MTHFD2L: variants seen among roughly 807,000 people sequenced by gnomAD.
The protein encoded by MTHFD2L is methylenetetrahydrofolate dehydrogenase (NADP+ dependent) 2 like.
A neutral mutation model predicts 34.9 loss-of-function variants in MTHFD2L; 29 were observed. The observed-to-expected ratio is 0.83, with a 90% CI of 0.62 to 1.13. The LOEUF (loss-of-function observed/expected upper bound fraction) is 1.13. Among genes scored for constraint, MTHFD2L ranks in the 50% most tolerant of loss-of-function variants. The probability of loss-of-function intolerance (pLI) is 0.00; values close to 1 mark genes in which losing one functional copy is unlikely to be tolerated. For missense variants in MTHFD2L, 481 were observed against 446.5 expected (o/e 1.08, Z -0.70); for synonymous variants, 167 against 155.7 (o/e 1.07, Z -0.54).
intron 7 of MTHFD2L, among the ~76,000 whole-genome samples, chr4:74,282,564 TAGG>T (rs1476038493): frequency 6.6e-6 from 1 of 152,120 alleles, no homozygotes; most frequent in Non-Finnish European, 1.5e-5. Context: ...AGAAGTGTCC[TAGG>T]GTACTGGCCC....
intron 5 of MTHFD2L, among the ~76,000 whole-genome samples, chr4:74,207,922 C>T (rs1735635156): frequency 6.6e-6 from 1 of 151,928 alleles, no homozygotes; most frequent in Non-Finnish European, 1.5e-5. Flanking sequence ...TTTTAGGTTT[C>T]AAAGAGAGGA....
At chr4:74,135,418 C>G (rs1023644877) in intron 1 of MTHFD2L, among the ~76,000 whole-genome samples, 1 of 152,016 alleles carries the variant, frequency 6.6e-6, no homozygotes, top group Admixed American at 6.6e-5. Context: ...TGGATAAATT[C>G]CTGGACACAT....
chr4:74,119,795 A>G (rs1349506936), upstream of MTHFD2L, among the ~76,000 whole-genome samples: 1 of 152,146 alleles, frequency 6.6e-6, no homozygotes, highest in Non-Finnish European at 1.5e-5. Flanking sequence ...AAAAAAACAA[A>G]AAAAACAAAA....
intron 5 of MTHFD2L, among the ~76,000 whole-genome samples, chr4:74,206,194 G>T (rs1017774233): frequency 6.6e-6 from 1 of 152,044 alleles, no homozygotes; most frequent in African/African-American, 2.4e-5. Flanking sequence ...TTGATTTGGG[G>T]CAGGGTGGTG....
intron 6 of MTHFD2L, among the ~76,000 whole-genome samples, chr4:74,258,075 AAG>A (rs1328830513): frequency 6.6e-6 from 1 of 152,146 alleles, no homozygotes; most frequent in African/African-American, 2.4e-5. Flanking sequence ...GGAAAAAAAA[AAG>A]GTTACAAATG....
chr4:74,182,768 A>G (rs978582057), intron 3 of MTHFD2L: 2 of 152,188 alleles, frequency 1.3e-5, no homozygotes, highest in Non-Finnish European at 2.9e-5. Context: ...TGTAAAAGGA[A>G]GAGACATTTT....
chr4:74,263,351 C>T (rs554636295), intron 6 of MTHFD2L, among the ~76,000 whole-genome samples: 1 of 151,880 alleles, frequency 6.6e-6, no homozygotes, highest in South Asian at 2.1e-4. Context: ...CAATTGTTCT[C>T]TCTAGTTCTG....
intron 5 of MTHFD2L, among the ~76,000 whole-genome samples, chr4:74,215,832 G>A (rs1175999895): frequency 1.3e-5 from 2 of 151,712 alleles, no homozygotes. Context: ...GGTCTGCATA[G>A]ATACATTCCT....
upstream of MTHFD2L, among the ~76,000 whole-genome samples, chr4:74,121,668 A>G (rs1162170064): frequency 1.4e-5 from 2 of 146,050 alleles, no homozygotes; most frequent in East Asian, 3.9e-4. Context: ...AATTAAATAT[A>G]TATTTAATTA....
At chr4:74,211,068 TAAG>T (rs1432192803) in intron 5 of MTHFD2L, among the ~76,000 whole-genome samples, 4 of 152,214 alleles carry the variant, frequency 2.6e-5, no homozygotes, top group Non-Finnish European at 5.9e-5. Flanking sequence ...CTCATCAGCT[TAAG>T]GAGATTTTGG....
chr4:74,191,468 A>C (rs1475842813), intron 3 of MTHFD2L, among the ~76,000 whole-genome samples: 1 of 152,070 alleles, frequency 6.6e-6, no homozygotes, highest in Non-Finnish European at 1.5e-5. Context: ...CCAGATAGTC[A>C]ATAAGGTAGA....
At chr4:74,283,092 C>T (rs903343296) in intron 7 of MTHFD2L, among the ~76,000 whole-genome samples, 1 of 152,140 alleles carries the variant, frequency 6.6e-6, no homozygotes, top group African/African-American at 2.4e-5. Flanking sequence ...GTGATGCACC[C>T]AGATGGCACT....
chr4:74,117,875 G>A (rs1209035795), intron 2 of MTHFD2L, among the ~76,000 whole-genome samples: 1 of 152,166 alleles, frequency 6.6e-6, no homozygotes. Flanking sequence ...CAGATGCAAA[G>A]TCCTGTCCAT....
At chr4:74,244,961 G>A (rs1308439421) in intron 6 of MTHFD2L, among the ~76,000 whole-genome samples, 3 of 151,964 alleles carry the variant, frequency 2.0e-5, no homozygotes, top group Admixed American at 2.0e-4. Context: ...TTGGGAGGCC[G>A]AGGCGGGCGG....
intron 6 of MTHFD2L, among the ~76,000 whole-genome samples, chr4:74,279,060 T>C (rs1358035327): frequency 6.6e-6 from 1 of 152,126 alleles, no homozygotes; most frequent in African/African-American, 2.4e-5. Flanking sequence ...TTTGATGCTG[T>C]AATTAAGAAA....
intron 5 of MTHFD2L, among the ~76,000 whole-genome samples, chr4:74,208,858 A>G (rs982849513): frequency 1.3e-4 from 20 of 152,124 alleles, no homozygotes; most frequent in African/African-American, 4.6e-4. Context: ...AAGTACATCT[A>G]ACTGCCATTA....
chr4:74,269,313 A>G (rs1745674740), intron 6 of MTHFD2L, among the ~76,000 whole-genome samples: 1 of 152,146 alleles, frequency 6.6e-6, no homozygotes, highest in Non-Finnish European at 1.5e-5. Flanking sequence ...GCGTTAGTGT[A>G]TAATTATCTT....
At chr4:74,136,297 A>G (rs914223510) in intron 1 of MTHFD2L, among the ~76,000 whole-genome samples, 1 of 152,130 alleles carries the variant, frequency 6.6e-6, no homozygotes, top group Non-Finnish European at 1.5e-5. Flanking sequence ...TACAAAATCA[A>G]TGTACAAAAA....
intron 6 of MTHFD2L, chr4:74,280,482 ACT>A (rs1489797045): frequency 6.6e-6 from 1 of 152,036 alleles, no homozygotes; most frequent in African/African-American, 2.4e-5. Flanking sequence ...TCTTTAGATG[ACT>A]CTAGCTTCAG....
Sources: allele counts gnomAD v4.1 joint callset (sites outside exome capture counted in the v4.1 genomes callset), GRCh38; gene constraint gnomAD v4.1.1; transcripts MANE v1.5; gene names NCBI Gene and HGNC (gene_info 2026-07-23, HGNC 2026-07-21).